HDAC9: variants seen among roughly 807,000 people sequenced by gnomAD.
HDAC9 encodes the protein MEF-2 interacting transcription repressor (MITR) protein.
In HDAC9, 41 loss-of-function variants were observed where a neutral mutation model predicts 139.4. The ratio of observed to expected loss-of-function variants is 0.29; its 90% confidence interval spans 0.23 to 0.38. The LOEUF (loss-of-function observed/expected upper bound fraction) is 0.38, where lower values mean the gene tolerates loss of function less well. HDAC9 is among the 10% of genes least tolerant of loss of function. The probability of loss-of-function intolerance (pLI) is 1.00; values close to 1 mark genes in which losing one functional copy is unlikely to be tolerated. For synonymous variants in HDAC9, 517 were observed against 476.2 expected, an observed-to-expected ratio of 1.09 and a Z score of -1.12; for missense variants, 1,147 against 1,297.0, an observed-to-expected ratio of 0.88 and a Z score of 1.78.
intron 2 of HDAC9, among the ~76,000 whole-genome samples, chr7:18,235,789 C>T (rs763342280): frequency 2.0e-5 from 3 of 152,128 alleles, no homozygotes; most frequent in Non-Finnish European, 4.4e-5. Context: ...CCTAAGGTCA[C>T]AATGCTATTA....
rs2128694853 is a variant in HDAC9 at position 18,365,635 on chromosome 7, A to G, written c.-42+75120A>G. On this transcript the variant is annotated intron_variant, in intron 1 of 3. Coordinates refer to the HDAC9 transcript ENST00000413509. Reference sequence around the variant, plus strand: ...GAAAGGCTTGACTTTTATAGTCTTTATGACTTTTTTTTTTAATAAAAAAGC... The same window carrying G: ...GAAAGGCTTGACTTTTATAGTCTTTGTGACTTTTTTTTTTAATAAAAAAGC... Among the ~76,000 whole-genome samples, 2 of 55,666 alleles carry G rather than the reference A, an allele frequency of 3.6e-5. 1 individual carries two copies. The highest frequency in any genetic ancestry group is 1.1e-3 in the East Asian group (2 of 1,878). 36.5% of individuals were successfully genotyped at this position (55,666 alleles called of 152,430 possible). A position where few individuals can be genotyped will look rare whatever the true frequency, so the allele number is the denominator to read the frequency against.
intron 25 of HDAC9, among the ~76,000 whole-genome samples, chr7:18,982,468 T>A (rs1310962309): frequency 6.6e-6 from 1 of 152,154 alleles, no homozygotes; most frequent in African/African-American, 2.4e-5. Context: ...TCTGATGTGG[T>A]TTCCAACAAT....
At chr7:18,406,713 T>C (rs964542879) in intron 1 of HDAC9, among the ~76,000 whole-genome samples, 4 of 152,196 alleles carry the variant, frequency 2.6e-5, no homozygotes, top group Admixed American at 2.0e-4. Flanking sequence ...TAAAATACTT[T>C]TACGTATAAC....
Position 18,330,378 on chromosome 7 carries a change from A to C in HDAC9, c.-42+39863A>C, listed in dbSNP as rs1800824379. Among the ~76,000 whole-genome samples the C allele has an allele frequency of 3.3e-5, 5 of 151,542 alleles. No homozygotes were observed. In the Admixed American group the frequency reaches 3.3e-4, roughly 10 times the overall value. On this transcript the variant is annotated intron_variant, in intron 1 of 3. Coordinates refer to the HDAC9 transcript ENST00000413509. The stretch of plus-strand genomic sequence containing the variant: ...ATTATATTTTTCTCCTAAAACTGCT[A>C]TTCCACTATTAAAATTAATGGACAT...
intron 12 of HDAC9, among the ~76,000 whole-genome samples, chr7:18,712,746 C>T (rs1784436315): frequency 6.6e-6 from 1 of 152,038 alleles, no homozygotes; most frequent in Non-Finnish European, 1.5e-5. Flanking sequence ...GCTTATTGAG[C>T]CTACAAGTAT....
intron 1 of HDAC9, among the ~76,000 whole-genome samples, chr7:18,145,793 G>A (rs1431850717): frequency 1.3e-5 from 2 of 152,144 alleles, no homozygotes; most frequent in Non-Finnish European, 2.9e-5. Context: ...TCTGTCAGAG[G>A]TGAGTGAGGA....
At chr7:18,790,972 C>A (rs1026377951) in intron 16 of HDAC9, among the ~76,000 whole-genome samples, 1 of 152,108 alleles carries the variant, frequency 6.6e-6, no homozygotes, top group Non-Finnish European at 1.5e-5. Context: ...AACAAAACTA[C>A]CATTATTAGT....
chr7:18,207,687 ATTAT>A (rs1562748870), intron 2 of HDAC9, among the ~76,000 whole-genome samples: 3 of 151,086 alleles, frequency 2.0e-5, no homozygotes, highest in Admixed American at 6.6e-5. Context: ...GTCTCTCATA[ATTAT>A]TTATTTATTA....
intron 23 of HDAC9, among the ~76,000 whole-genome samples, chr7:18,936,218 A>G (rs1033118794): frequency 6.6e-6 from 1 of 152,228 alleles, no homozygotes; most frequent in Non-Finnish European, 1.5e-5. Flanking sequence ...ATGAGTACGG[A>G]AACATTGAAT....
intron 2 of HDAC9, among the ~76,000 whole-genome samples, chr7:18,171,925 A>C (rs569821020): frequency 3.7e-4 from 56 of 152,258 alleles, no homozygotes; most frequent in African/African-American, 1.3e-3. Flanking sequence ...TGCGTCTCTG[A>C]CAGGCTTTGG....
chr7:18,687,796 A>G (rs1265151434), intron 12 of HDAC9, among the ~76,000 whole-genome samples: 2 of 151,814 alleles, frequency 1.3e-5, no homozygotes, highest in Non-Finnish European at 2.9e-5. Flanking sequence ...AGATGGACAT[A>G]TTTTATTATG....
intron 10 of HDAC9, among the ~76,000 whole-genome samples, 161 bp from the exon 11 acceptor site, chr7:18,648,305 G>A (rs771450719): frequency 6.6e-6 from 1 of 151,996 alleles, no homozygotes; most frequent in Non-Finnish European, 1.5e-5. Context: ...CTATTCTTCT[G>A]TTGTTTGCCT....
chr7:18,124,285 A>C (rs930984859), intron 1 of HDAC9, among the ~76,000 whole-genome samples: 3 of 152,178 alleles, frequency 2.0e-5, no homozygotes, highest in African/African-American at 7.2e-5. Context: ...GCTTCCATAC[A>C]GCAATAGCCT....
chr7:18,536,939 G>A (rs991272570), intron 2 of HDAC9, among the ~76,000 whole-genome samples: 2 of 152,154 alleles, frequency 1.3e-5, no homozygotes, highest in Non-Finnish European at 2.9e-5. Flanking sequence ...AATACTATGT[G>A]TATATCTGTG....
At chr7:18,189,145 A>G (rs762452687) in intron 2 of HDAC9, among the ~76,000 whole-genome samples, 1 of 152,348 alleles carries the variant, frequency 6.6e-6, no homozygotes, top group South Asian at 2.1e-4. Context: ...CATATACACC[A>G]TGGAATACTG....
At chr7:18,651,032 T>A (rs1200242358) in intron 11 of HDAC9, among the ~76,000 whole-genome samples, 1 of 152,174 alleles carries the variant, frequency 6.6e-6, no homozygotes, top group Non-Finnish European at 1.5e-5. Flanking sequence ...CAAACCCATG[T>A]CCTATCCTGA....
At chr7:18,658,015 G>A (rs1357102528) in intron 11 of HDAC9, among the ~76,000 whole-genome samples, 1 of 152,048 alleles carries the variant, frequency 6.6e-6, no homozygotes, top group Non-Finnish European at 1.5e-5. Flanking sequence ...ATTTTGTGTG[G>A]AAGGCTCAAC....
Position 18,114,957 on chromosome 7 carries a change from G to T in HDAC9, c.-97+27744G>T, listed in dbSNP as rs548134013. On this transcript the variant is annotated intron_variant, in intron 1 of 12. Coordinates refer to the HDAC9 transcript ENST00000417496. ...AACCATTTGTTCATACACTCCCAGGGAGCATAGAGTATAGATTAGAAGTGT... is the reference window on the plus strand; with the variant it reads ...AACCATTTGTTCATACACTCCCAGGTAGCATAGAGTATAGATTAGAAGTGT... 9.9e-5 allele frequency among the ~76,000 whole-genome samples: 15 copies of T among 152,214 alleles called. No homozygotes were observed. The South Asian group carries it at 3.1e-3, about 32-fold the overall frequency.
chr7:18,861,552 T>G (rs748071416), intron 21 of HDAC9, among the ~76,000 whole-genome samples: 72 of 152,254 alleles, frequency 4.7e-4, no homozygotes, highest in Non-Finnish European at 9.1e-4. Context: ...ACTAATACTA[T>G]TCTCACAGAC....
Sources: gnomAD v4.1 joint callset for allele counts (sites outside exome capture counted in the v4.1 genomes callset) on GRCh38, gnomAD v4.1.1 for gene constraint, MANE v1.5 for transcripts, NCBI Gene and HGNC (gene_info 2026-07-23, HGNC 2026-07-21) for gene names.